The following BTRC variants were observed in gnomAD, a reference collection of about 807,000 sequenced individuals.
The protein encoded by BTRC is F-box/WD repeat-containing protein 1A.
A neutral mutation model predicts 85.5 loss-of-function variants in BTRC; 42 were observed. That is an observed-to-expected ratio of 0.49 (90% CI 0.38 to 0.64). The LOEUF is 0.64. Among genes scored for constraint, BTRC ranks in the 30% least tolerant of loss-of-function variants. The probability of loss-of-function intolerance (pLI) is 0.00; values close to 1 mark genes in which losing one functional copy is unlikely to be tolerated. For synonymous variants in BTRC, 255 were observed against 263.3 expected, an observed-to-expected ratio of 0.97 and a Z score of 0.30; for missense variants, 594 against 743.5, an observed-to-expected ratio of 0.80 and a Z score of 2.34.
intron 3 of BTRC, 145 bp from the exon 4 acceptor site, chr10:101,479,223 A>G (rs1222247734): frequency 3.6e-6 from 2 of 552,286 alleles, no homozygotes; most frequent in South Asian, 2.2e-5. Flanking sequence ...CTCCTTTTCT[A>G]ACTTACCTCT....
At chr10:101,452,248 C>A (rs1386998052) in intron 2 of BTRC, among the ~76,000 whole-genome samples, 1 of 152,176 alleles carries the variant, frequency 6.6e-6, no homozygotes, top group Non-Finnish European at 1.5e-5. Flanking sequence ...GCACAAGGCC[C>A]AGAAATGAAC....
At chr10:101,495,101 G>A (rs1589549037) in intron 4 of BTRC, among the ~76,000 whole-genome samples, 2 of 152,250 alleles carry the variant, frequency 1.3e-5, no homozygotes, top group East Asian at 3.9e-4. Flanking sequence ...CTACCAAAGA[G>A]CAGGGTTCTC....
chr10:101,424,240 A>G (rs911738125), intron 1 of BTRC, among the ~76,000 whole-genome samples: 3 of 152,092 alleles, frequency 2.0e-5, no homozygotes, highest in African/African-American at 7.2e-5. Flanking sequence ...GTCTCAAAGA[A>G]AAAAAAAGAA....
chr10:101,386,962 C>T (rs1010608049), intron 1 of BTRC, among the ~76,000 whole-genome samples: 9 of 152,168 alleles, frequency 5.9e-5, no homozygotes, highest in Admixed American at 5.2e-4. Flanking sequence ...TTTGATGTGA[C>T]GAAGGGATTC....
intron 4 of BTRC, among the ~76,000 whole-genome samples, chr10:101,493,778 A>G (rs1427533259): frequency 6.6e-6 from 1 of 152,220 alleles, no homozygotes; most frequent in Non-Finnish European, 1.5e-5. Flanking sequence ...AGCCACAAAA[A>G]AGTAAAACTG....
chr10:101,427,113 CTTTT>C lies in BTRC; in HGVS notation c.49-3212_49-3209del, dbSNP rs138285266. Among the ~76,000 whole-genome samples, 411 of 109,288 alleles carry C rather than the reference CTTTT, an allele frequency of 3.8e-3. 1 individual carries two copies. Among genetic ancestry groups the C allele is most frequent in the Admixed American group, 6.6e-3 (62 of 9,354 alleles). 71.7% of individuals were successfully genotyped at this position (109,288 alleles called of 152,430 possible). A position where few individuals can be genotyped will look rare whatever the true frequency, so the allele number is the denominator to read the frequency against. On this transcript the variant is annotated intron_variant, in intron 1 of 14. Transcript: ENST00000370187. ...CAGCATTTCCATTTCTTTTTTCTTT[CTTTT>C]TTTTTTTTTTTTTTTTTTTGAGACG... is the stretch of plus-strand genomic sequence containing the variant.
intron 4 of BTRC, among the ~76,000 whole-genome samples, chr10:101,520,819 G>A (rs368435514): frequency 6.6e-6 from 1 of 152,104 alleles, no homozygotes; most frequent in Non-Finnish European, 1.5e-5. Context: ...TTAGCCAGGC[G>A]TGGTGGTGGG....
At chr10:101,388,624 G>A (rs1943146773) in intron 1 of BTRC, among the ~76,000 whole-genome samples, 1 of 152,038 alleles carries the variant, frequency 6.6e-6, no homozygotes, top group Non-Finnish European at 1.5e-5. Flanking sequence ...CAAGTAGCTG[G>A]GACTACGGGT....
At chr10:101,475,954 T>TATATATATA (rs1554884571) in intron 3 of BTRC, among the ~76,000 whole-genome samples, 328 of 133,894 alleles carry the variant, frequency 2.4e-3, no homozygotes, top group South Asian at 3.5e-3. Flanking sequence ...TATATATATA[T>TATATATATA]TCAGTAATTC....
rs1337973272 is a variant in BTRC, at chr10:101,538,366, C to T, written c.1651C>T (p.Leu551Phe). Residue 551 changes from leucine to phenylalanine, a missense_variant, in exon 13 of 15, where the codon CTT becomes TTT. Physicochemically the swap from Leu to Phe is conservative, Grantham distance 22. Transcript: ENST00000370187. ...TGCAGGGACACTCTGTCTACGGACC[C>T]TTGTGGTAAGAGCCTTGCTGTTTAG... ...APAGTLCLRT[L>F]VEHSGRVFRL... 1 of 1,613,086 alleles carries T rather than the reference C, an allele frequency of 6.2e-7. No homozygotes were observed. Among genetic ancestry groups the T allele is most frequent in the Non-Finnish European group, 8.5e-7 (1 of 1,179,126 alleles).
chr10:101,510,465 G>A (rs529480438), intron 4 of BTRC, among the ~76,000 whole-genome samples: 13 of 151,598 alleles, frequency 8.6e-5, no homozygotes, highest in South Asian at 4.2e-4. Context: ...AGCCGAGATC[G>A]CGCCACTGCA....
At chr10:101,457,146 T>C (rs1945103425) in intron 2 of BTRC, among the ~76,000 whole-genome samples, 1 of 152,202 alleles carries the variant, frequency 6.6e-6, no homozygotes, top group Admixed American at 6.5e-5. Flanking sequence ...AAAAGTTACA[T>C]GAATATGCTC....
intron 4 of BTRC, among the ~76,000 whole-genome samples, chr10:101,519,996 AAAAC>A (rs924316891): frequency 6.6e-5 from 10 of 152,248 alleles, no homozygotes; most frequent in Admixed American, 2.6e-4. Context: ...ACTCTGTCTC[AAAAC>A]AAACAAACAA....
At chr10:101,449,615 A>G (rs577246028) in intron 2 of BTRC, among the ~76,000 whole-genome samples, 1 of 152,260 alleles carries the variant, frequency 6.6e-6, no homozygotes, top group Admixed American at 6.5e-5. Flanking sequence ...GCAGTTTTTT[A>G]AAAGATTCCT....
intron 1 of BTRC, among the ~76,000 whole-genome samples, chr10:101,396,135 C>T (rs1943356429): frequency 6.6e-6 from 1 of 151,306 alleles, no homozygotes; most frequent in Non-Finnish European, 1.5e-5. Context: ...AATACTGGTA[C>T]AACAAAGAGT....
rs71016324 is a variant in BTRC at position 101,475,922 on chromosome 10, CATATATATATATAT to C, written c.235-3427_235-3414del. On this transcript the variant is annotated intron_variant, in intron 3 of 14. Transcript: ENST00000370187. ...TTTGCATAGTCTCCAAGTATTTTGCCATATATATATATATATATATATATATATATATTCAGTAA... is the reference window on the plus strand; with the variant it reads ...TTTGCATAGTCTCCAAGTATTTTGCCATATATATATATATATATTCAGTAA... 5.7e-3 allele frequency among the ~76,000 whole-genome samples: 387 copies of C among 67,568 alleles called. 13 individuals are homozygous for C. Among genetic ancestry groups the C allele is most frequent in the African/African-American group, 0.017 (344 of 20,618 alleles). 44.3% of individuals were successfully genotyped at this position (67,568 alleles called of 152,430 possible). A position where few individuals can be genotyped will look rare whatever the true frequency, so the allele number is the denominator to read the frequency against.
intron 2 of BTRC, among the ~76,000 whole-genome samples, chr10:101,446,097 C>A (rs1944815789): frequency 6.7e-6 from 1 of 148,258 alleles, no homozygotes; most frequent in Non-Finnish European, 1.5e-5. Flanking sequence ...ACATTTTGTT[C>A]TCTTCCCCCC....
chr10:101,552,819 G>A (rs981567291), intron 14 of BTRC, among the ~76,000 whole-genome samples: 1 of 152,076 alleles, frequency 6.6e-6, no homozygotes, highest in African/African-American at 2.4e-5. Context: ...CAAAAGGCAG[G>A]GCCCACAGAC....
intron 2 of BTRC, among the ~76,000 whole-genome samples, chr10:101,440,978 GTTA>G (rs1424432427): frequency 3.9e-5 from 6 of 152,160 alleles, no homozygotes; most frequent in African/African-American, 1.2e-4. Context: ...TTAAGAACTA[GTTA>G]TTGTTGTTTT....
Sources: allele counts gnomAD v4.1 joint callset (sites outside exome capture counted in the v4.1 genomes callset), GRCh38; gene constraint gnomAD v4.1.1; transcripts MANE v1.5; gene names NCBI Gene and HGNC (gene_info 2026-07-23, HGNC 2026-07-21).